BMPR2: variants seen among roughly 807,000 people sequenced by gnomAD.
BMPR2 encodes bone morphogenetic protein receptor type 2, also known as bone morphogenetic protein receptor type-2.
Under a neutral mutation model 100.8 loss-of-function variants are expected in BMPR2, and 29 were observed. The ratio of observed to expected loss-of-function variants is 0.29; its 90% CI spans 0.21 to 0.39. The LOEUF (loss-of-function observed/expected upper bound fraction) is 0.39. BMPR2 is among the 10% of genes least tolerant of loss of function. The pLI is 1.00. For synonymous variants in BMPR2, 382 were observed against 442.3 expected, an observed-to-expected ratio of 0.86 and a Z score of 1.71; for missense variants, 1,011 against 1,274.5, an observed-to-expected ratio of 0.79 and a Z score of 3.15.
intron 1 of BMPR2, among the ~76,000 whole-genome samples, chr2:202,399,163 T>C (rs1006433623): frequency 2.6e-5 from 4 of 151,926 alleles, no homozygotes; most frequent in African/African-American, 9.7e-5. Flanking sequence ...AATAAGTAGA[T>C]ACATAAAGGA....
intron 9 of BMPR2, among the ~76,000 whole-genome samples, chr2:202,533,710 C>G (rs1448407082): frequency 2.0e-5 from 3 of 152,052 alleles, no homozygotes; most frequent in African/African-American, 7.2e-5. Flanking sequence ...GTAGTCCCAG[C>G]TACTCGGGAG....
intron 5 of BMPR2, among the ~76,000 whole-genome samples, chr2:202,516,878 G>A (rs531938246): frequency 2.0e-5 from 3 of 152,270 alleles, no homozygotes; most frequent in South Asian, 4.1e-4. Context: ...TGGAAACAGT[G>A]TATGAAACAC....
At chr2:202,399,060 G>A (rs1046631047) in intron 1 of BMPR2, among the ~76,000 whole-genome samples, 3 of 152,070 alleles carry the variant, frequency 2.0e-5, no homozygotes, top group African/African-American at 4.8e-5. Flanking sequence ...CCTGGGAGGC[G>A]GAGGTTATGG....
intron 3 of BMPR2, among the ~76,000 whole-genome samples, chr2:202,496,293 C>A (rs1330707199): frequency 6.6e-6 from 1 of 152,010 alleles, no homozygotes; most frequent in Non-Finnish European, 1.5e-5. Context: ...TTGAGACCAT[C>A]CTGAGCAACA....
At chr2:202,501,121 C>G (rs1687382151) in intron 3 of BMPR2, among the ~76,000 whole-genome samples, 1 of 152,204 alleles carries the variant, frequency 6.6e-6, no homozygotes, top group African/African-American at 2.4e-5. Flanking sequence ...ATCAAGGGTA[C>G]AAGGTGTCTA....
chr2:202,488,243 A>G (rs1038723895), intron 3 of BMPR2, among the ~76,000 whole-genome samples: 20 of 152,196 alleles, frequency 1.3e-4, no homozygotes, highest in African/African-American at 4.8e-4. Context: ...GAATATGGGT[A>G]GATTGGAATA....
At chr2:202,535,847 C>G (rs1688145598) in intron 9 of BMPR2, among the ~76,000 whole-genome samples, 1 of 152,218 alleles carries the variant, frequency 6.6e-6, no homozygotes. Context: ...CCTCGGGAGG[C>G]CGAGGCTGGC....
At chr2:202,493,766 G>A (rs940484135) in intron 3 of BMPR2, among the ~76,000 whole-genome samples, 5 of 152,032 alleles carry the variant, frequency 3.3e-5, no homozygotes, top group Admixed American at 6.6e-5. Context: ...ACCTTTTGGC[G>A]GGGGTGGAAT....
chr2:202,386,684 C>T (rs992207817), intron 1 of BMPR2, among the ~76,000 whole-genome samples: 1 of 144,328 alleles, frequency 6.9e-6, no homozygotes. Context: ...CTTTTCTTTT[C>T]TTTTTTTTTT....
At chr2:202,545,173 C>A (rs1367641869) in intron 10 of BMPR2, among the ~76,000 whole-genome samples, 1 of 151,600 alleles carries the variant, frequency 6.6e-6, no homozygotes, top group African/African-American at 2.4e-5. Flanking sequence ...TTATATTTTC[C>A]ATTTTTTCTC....
At chr2:202,410,614 C>G (rs1320380030) in intron 1 of BMPR2, among the ~76,000 whole-genome samples, 2 of 152,204 alleles carry the variant, frequency 1.3e-5, no homozygotes, top group African/African-American at 2.4e-5. Flanking sequence ...GTCTCTTGCT[C>G]TGTCACCCAG....
chr2:202,542,502 G>C, intron 10 of BMPR2, 55 bp downstream of exon 10: 1 of 1,591,980 alleles, frequency 6.3e-7, no homozygotes, highest in Non-Finnish European at 8.6e-7. Context: ...ATGTTTTAAT[G>C]TTGTTTGAAA....
At chr2:202,408,052 C>T (rs1690940088) in intron 1 of BMPR2, among the ~76,000 whole-genome samples, 1 of 152,002 alleles carries the variant, frequency 6.6e-6, no homozygotes, top group Admixed American at 6.6e-5. Flanking sequence ...CCAGGATGGT[C>T]TCGATCTCTT....
chr2:202,385,746 TA>T (rs1316746322), intron 1 of BMPR2, among the ~76,000 whole-genome samples: 2 of 151,380 alleles, frequency 1.3e-5, no homozygotes, highest in Non-Finnish European at 2.9e-5. Flanking sequence ...TTACATAGAA[TA>T]ATATAGTCAT....
chr2:202,529,092 A>G (rs2106016630), intron 7 of BMPR2, among the ~76,000 whole-genome samples: 1 of 152,340 alleles, frequency 6.6e-6, no homozygotes, highest in African/African-American at 2.4e-5. Flanking sequence ...GAAATATCTG[A>G]CCAAAAAAAT....
intron 1 of BMPR2, among the ~76,000 whole-genome samples, chr2:202,400,575 T>C (rs1048673063): frequency 6.6e-6 from 1 of 152,112 alleles, no homozygotes; most frequent in Non-Finnish European, 1.5e-5. Flanking sequence ...AGTCTTAGAG[T>C]TTAGTAGATG....
intron 1 of BMPR2, among the ~76,000 whole-genome samples, chr2:202,455,218 C>T (rs149621376): frequency 5.0e-4 from 76 of 152,226 alleles, no homozygotes; most frequent in African/African-American, 1.7e-3. Flanking sequence ...AAATTCAGTT[C>T]CTCAGTCACA....
intron 1 of BMPR2, among the ~76,000 whole-genome samples, chr2:202,464,600 A>T (rs1226512117): frequency 1.3e-5 from 2 of 152,216 alleles, no homozygotes; most frequent in African/African-American, 4.8e-5. Flanking sequence ...GGAAATGAGA[A>T]TTTTAAAATT....
intron 1 of BMPR2, among the ~76,000 whole-genome samples, chr2:202,437,697 A>G (rs1412278198): frequency 6.6e-6 from 1 of 150,584 alleles, no homozygotes; most frequent in East Asian, 1.9e-4. Flanking sequence ...ATATCCTGTA[A>G]GTTGAGTCGT....
Sources: gnomAD v4.1 joint callset for allele counts (sites outside exome capture counted in the v4.1 genomes callset) on GRCh38, gnomAD v4.1.1 for gene constraint, MANE v1.5 for transcripts, NCBI Gene and HGNC (gene_info 2026-07-23, HGNC 2026-07-21) for gene names.